Variants in ZNF385D observed in about 807,000 individuals in gnomAD.
ZNF385D encodes the protein zinc finger protein 385D.
ZNF385D carries 15 observed loss-of-function variants against 35.8 expected under a neutral mutation model. The observed-to-expected ratio is 0.42, with a 90% CI of 0.28 to 0.64. The LOEUF (loss-of-function observed/expected upper bound fraction) is 0.64, where lower values mean the gene tolerates loss of function less well. Ranked by LOEUF, ZNF385D falls within the 30% of genes least tolerant of loss-of-function variation. The probability of loss-of-function intolerance (pLI) is 0.23; values close to 1 mark genes in which losing one functional copy is unlikely to be tolerated. For missense variants in ZNF385D, 474 were observed against 494.6 expected, an observed-to-expected ratio of 0.96 and a Z score of 0.39; for synonymous variants, 212 against 186.8, an observed-to-expected ratio of 1.13 and a Z score of -1.10.
chr3:21,722,717 G>C (rs771658444), intron 1 of ZNF385D, among the ~76,000 whole-genome samples: 1 of 152,082 alleles, frequency 6.6e-6, no homozygotes, highest in Non-Finnish European at 1.5e-5. Flanking sequence ...CCACACAAAG[G>C]AGATCAGATC....
intron 2 of ZNF385D, among the ~76,000 whole-genome samples, chr3:22,309,604 A>G (rs989704323): frequency 3.3e-5 from 5 of 152,094 alleles, no homozygotes; most frequent in African/African-American, 1.2e-4. Context: ...GAACAAAACT[A>G]AAATATATTT....
At chr3:21,444,724 T>C (rs934858486) in intron 4 of ZNF385D, among the ~76,000 whole-genome samples, 1 of 152,164 alleles carries the variant, frequency 6.6e-6, no homozygotes, top group Non-Finnish European at 1.5e-5. Flanking sequence ...ATTAGCTTCA[T>C]AGGGACCGGC....
At chr3:22,261,296 C>A (rs980371257) in intron 2 of ZNF385D, among the ~76,000 whole-genome samples, 2 of 151,838 alleles carry the variant, frequency 1.3e-5, no homozygotes, top group Non-Finnish European at 2.9e-5. Context: ...TAGTTAAAGA[C>A]TAGGTAAAAA....
At chr3:22,088,370 G>A (rs1028055475) in intron 3 of ZNF385D, among the ~76,000 whole-genome samples, 1 of 152,142 alleles carries the variant, frequency 6.6e-6, no homozygotes, top group Admixed American at 6.6e-5. Flanking sequence ...ATGTGCAGGG[G>A]CCTGGTAACA....
rs150707593 is a variant in ZNF385D at position 21,707,830 on chromosome 3, G to A, written c.23-42802C>T. Among the ~76,000 whole-genome samples, 552 of 152,298 alleles carry A rather than the reference G, an allele frequency of 3.6e-3. 3 individuals carry two copies. Among genetic ancestry groups the A allele is most frequent in the Non-Finnish European group, 4.7e-3 (321 of 68,030 alleles). Reference sequence around the variant, plus strand: ...GATGGGAAAAATACAAACTGTAGAAGATGAAAGATCTGTTCTTTTAAAATT... The same window carrying A: ...GATGGGAAAAATACAAACTGTAGAAAATGAAAGATCTGTTCTTTTAAAATT... On this transcript the variant is annotated intron_variant, in intron 1 of 7. Coordinates refer to ENST00000281523, the MANE Select transcript of ZNF385D (RefSeq NM_024697.3).
At position 21,537,440 on chromosome 3, in the gene ZNF385D, C is replaced by T. The variant is rs561164816; in HGVS notation, c.277-26417G>A. On this transcript the variant is annotated intron_variant, in intron 3 of 7. Coordinates refer to ENST00000281523, the MANE Select transcript of ZNF385D (RefSeq NM_024697.3). ...GATTACAGGTGTGAGCCACCACGCC[C>T]GGCCCAACATTTTTTAAAAAGACAC... Among the ~76,000 whole-genome samples the T allele has an allele frequency of 5.9e-5, 9 of 152,008 alleles. No individual in the cohort carries two copies. In the South Asian group the frequency reaches 8.4e-4, roughly 14 times the overall value.
intron 2 of ZNF385D, among the ~76,000 whole-genome samples, chr3:22,195,564 G>C (rs1471541650): frequency 2.0e-5 from 3 of 151,852 alleles, no homozygotes; most frequent in Non-Finnish European, 4.4e-5. Flanking sequence ...TTTACATTTT[G>C]AAATCTGTGG....
At chr3:22,192,002 GAT>G (rs1169816257) in intron 2 of ZNF385D, among the ~76,000 whole-genome samples, 1 of 152,068 alleles carries the variant, frequency 6.6e-6, no homozygotes, top group Non-Finnish European at 1.5e-5. Context: ...TGATGAAGAG[GAT>G]ATGATTTTTT....
chr3:21,744,467 A>G (rs2069668352), intron 1 of ZNF385D, among the ~76,000 whole-genome samples: 1 of 152,214 alleles, frequency 6.6e-6, no homozygotes, highest in Non-Finnish European at 1.5e-5. Flanking sequence ...TTCTGCCATC[A>G]TAAATGACAA....
chr3:21,848,038 G>A (rs1020550764), intron 3 of ZNF385D, among the ~76,000 whole-genome samples: 2 of 151,888 alleles, frequency 1.3e-5, no homozygotes, highest in African/African-American at 4.8e-5. Flanking sequence ...GCTTCTATAA[G>A]TGTGACTATT....
At chr3:22,292,875 T>C (rs564564437) in intron 2 of ZNF385D, among the ~76,000 whole-genome samples, 2 of 152,246 alleles carry the variant, frequency 1.3e-5, no homozygotes, top group African/African-American at 4.8e-5. Context: ...GCTGCTGTAA[T>C]TGTCCCAGTT....
chr3:22,210,997 G>T (rs1385630193), intron 2 of ZNF385D, among the ~76,000 whole-genome samples: 1 of 151,890 alleles, frequency 6.6e-6, no homozygotes, highest in Admixed American at 6.6e-5. Flanking sequence ...TAGGCAGTTT[G>T]GCATATTGAT....
At chr3:22,075,540 T>C (rs1427090859) in intron 3 of ZNF385D, among the ~76,000 whole-genome samples, 6 of 151,884 alleles carry the variant, frequency 4.0e-5, no homozygotes, top group Non-Finnish European at 8.8e-5. Context: ...TTCATGTAAC[T>C]CATGCCCCTG....
intron 3 of ZNF385D, among the ~76,000 whole-genome samples, chr3:22,005,457 ATATAT>A (rs1196661203): frequency 6.6e-6 from 1 of 152,074 alleles, no homozygotes; most frequent in Non-Finnish European, 1.5e-5. Context: ...TTTAACAACA[ATATAT>A]TATATATTTT....
At chr3:21,423,882 G>A in intron 7 of ZNF385D, 81 bp downstream of exon 7, 1 of 1,349,642 alleles carries the variant, frequency 7.4e-7, no homozygotes, top group Admixed American at 2.0e-5. Context: ...GTGGTTAAAG[G>A]TGGCAAAATG....
intron 2 of ZNF385D, among the ~76,000 whole-genome samples, chr3:22,278,026 A>ATTGGG: frequency 6.6e-6 from 1 of 152,140 alleles, no homozygotes; most frequent in Non-Finnish European, 1.5e-5. Flanking sequence ...TGCGCTCCCC[A>ATTGGG]ACACTGTGTA....
chr3:21,570,581 G>T (rs1559417315), intron 2 of ZNF385D, among the ~76,000 whole-genome samples: 3 of 152,124 alleles, frequency 2.0e-5, no homozygotes, highest in African/African-American at 4.8e-5. Flanking sequence ...TTTTCATCTG[G>T]TATTTGTATG....
intron 3 of ZNF385D, among the ~76,000 whole-genome samples, chr3:21,987,169 T>A (rs1185624192): frequency 7.3e-6 from 1 of 136,382 alleles, no homozygotes; most frequent in Non-Finnish European, 1.6e-5. Context: ...TCCATTTACA[T>A]TTAAAGTTAA....
intron 2 of ZNF385D, among the ~76,000 whole-genome samples, chr3:22,256,499 A>T (rs1700325417): frequency 6.6e-6 from 1 of 151,594 alleles, no homozygotes; most frequent in Non-Finnish European, 1.5e-5. Flanking sequence ...TTCTTTTCCA[A>T]TTTGAGTATT....
Sources: allele counts gnomAD v4.1 joint callset (sites outside exome capture counted in the v4.1 genomes callset), GRCh38; gene constraint gnomAD v4.1.1; transcripts MANE v1.5; gene names NCBI Gene and HGNC (gene_info 2026-07-23, HGNC 2026-07-21).